TMC8: variants seen among roughly 807,000 people sequenced by gnomAD.
The protein encoded by TMC8 is transmembrane channel like 8.
TMC8 carries 71 observed loss-of-function variants against 76.0 expected under a neutral mutation model. That is an observed-to-expected ratio of 0.93 (90% CI 0.77 to 1.14). TMC8 has a LOEUF of 1.14. TMC8 is among the 50% of genes most tolerant of loss of function. The probability of loss-of-function intolerance (pLI) is 0.00; values close to 1 mark genes in which losing one functional copy is unlikely to be tolerated. For synonymous variants in TMC8, 433 were observed against 433.8 expected, an observed-to-expected ratio of 1.00 and a Z score of 0.02; for missense variants, 924 against 947.9, an observed-to-expected ratio of 0.97 and a Z score of 0.33.
In TMC8 at chr17:78,132,023, G is replaced by T; in HGVS notation, c.291G>T (p.Glu97Asp). ...GGCTCTGGGAGGGGGCGCTCTACGA[G>T]ATCGGGGGTAGGACCCGCGCGACCC... Reference protein sequence around the residue: ...GLGLWEGALYEIGGLFGTGIR... With the variant: ...GLGLWEGALYDIGGLFGTGIR... The change falls in exon 3 of 16, where the codon GAG becomes GAT. Residue 97 changes from glutamate (E) to aspartate (D), a missense_variant. By Grantham distance (45) the Glu-to-Asp change is conservative. Coordinates refer to ENST00000318430, the MANE Select transcript of TMC8 (RefSeq NM_152468.5). 3 of 1,533,928 alleles carry T rather than the reference G, an allele frequency of 2.0e-6. No homozygotes were observed. Among genetic ancestry groups the T allele is most frequent in the Non-Finnish European group, 2.6e-6 (3 of 1,145,994 alleles).
intron 9 of TMC8, 160 bp from the exon 10 acceptor site, chr17:78,137,075 C>T (rs1448501310): frequency 8.2e-6 from 9 of 1,095,832 alleles, no homozygotes; most frequent in Admixed American, 6.5e-5. Flanking sequence ...ACTCTGAGAA[C>T]GCACTTTGGA....
chr17:78,138,403 T>G lies in TMC8; in HGVS notation c.1588T>G (p.Ser530Ala). 1 of 1,612,610 alleles carries G rather than the reference T, an allele frequency of 6.2e-7. No individual in the cohort carries two copies. The highest frequency in any genetic ancestry group is 8.5e-7 in the Non-Finnish European group (1 of 1,179,992). Residue 530 changes from serine to alanine, a missense_variant, in exon 13 of 16, where the codon TCC becomes GCC. By Grantham distance (99) the Ser-to-Ala change is moderately conservative. Coordinates refer to ENST00000318430, the MANE Select transcript of TMC8 (RefSeq NM_152468.5). ...TTCGCGGCCCTTCCGTGCCTCCAGC[T>G]CCACCTTCTTCTTCCAGCTAGTGCT... is the stretch of plus-strand genomic sequence containing the variant. ...ASSRPFRASS[S>A]TFFFQLVLLL...
chr17:78,137,946 C>T, intron 11 of TMC8, 59 bp from the exon 12 acceptor site: 1 of 1,607,860 alleles, frequency 6.2e-7, no homozygotes, highest in Middle Eastern at 1.8e-4. Context: ...TGGCCATGAC[C>T]AATACAGCCC....
In TMC8 at chr17:78,132,458, T is replaced by A. The variant is rs756241753; in HGVS notation, c.398T>A (p.Leu133Gln). 2 of 1,612,406 alleles carry A rather than the reference T, an allele frequency of 1.2e-6. No individual in the cohort carries two copies. The highest frequency in any genetic ancestry group is 4.5e-5 in the East Asian group (2 of 44,860). Reference protein sequence around the residue: ...SLLLTASFVLLPLVWLRPPDP... With the variant: ...SLLLTASFVLQPLVWLRPPDP... ...CTGCTCACCGCAAGCTTCGTGCTGC[T>A]GCCCCTGGTCTGGCTCCGCCCCCCT... The change falls in exon 4 of 16, where the codon CTG (leucine) becomes CAG (glutamine). Residue 133 changes from leucine to glutamine, a missense_variant. Coordinates refer to ENST00000318430, the MANE Select transcript of TMC8 (RefSeq NM_152468.5).
At chr17:78,134,716 A>G (rs2075174562) in intron 8 of TMC8, 152 bp downstream of exon 8, 1 of 1,508,994 alleles carries the variant, frequency 6.6e-7, no homozygotes, top group African/African-American at 1.4e-5. Context: ...CCCACTGGAT[A>G]TTCCCGCCAA....
intron 3 of TMC8, 41 bp from the exon 4 acceptor site, chr17:78,132,318 C>G (rs531747560): frequency 7.5e-6 from 12 of 1,609,286 alleles, no homozygotes; most frequent in Middle Eastern, 1.7e-4. Flanking sequence ...GCCCCAGCCC[C>G]GGCCCCGGCC....
chr17:78,132,214 G>A, intron 3 of TMC8, 145 bp from the exon 4 acceptor site: 1 of 1,379,594 alleles, frequency 7.2e-7, no homozygotes, highest in Non-Finnish European at 1.0e-6. Context: ...AGCACCCCCA[G>A]GTGACTGTCA....
Position 78,141,170 on chromosome 17 carries a change from TC to T in TMC8, c.*59del, listed in dbSNP as rs2075366994. 1.4e-6 allele frequency: 2 copies of T among 1,426,968 alleles called. No individual in the cohort carries two copies. Among genetic ancestry groups the T allele is most frequent in the Non-Finnish European group, 1.9e-6 (2 of 1,080,656 alleles). The allele number at this position is 1,426,968 out of a possible 1,614,324, so 88.4% of individuals were successfully genotyped here. A position where few individuals can be genotyped will look rare whatever the true frequency, so the allele number is the denominator to read the frequency against. The stretch of plus-strand genomic sequence containing the variant: ...GGCCCCTTCAGGCCTCCTTACTCCA[TC>T]TTCCAGACCCCTGGCGACCACCGCC... On this transcript the variant is annotated 3_prime_UTR_variant, in exon 16 of 16. Coordinates refer to ENST00000318430, the MANE Select transcript of TMC8 (RefSeq NM_152468.5).
rs1477563668 is a variant in TMC8 at position 78,133,897 on chromosome 17, A to G, written c.713A>G (p.Tyr238Cys). ...CAGAAGACTCTGCTGGGTCAGGGCT[A>G]TCAGGCGCCTCTCAGCGCCAAGGTC... ...LPQKTLLGQG[Y>C]QAPLSAKVFS... is the part of the protein sequence containing the mutation. Residue 238 changes from tyrosine (Y) to cysteine (C), a missense_variant, in exon 7 of 16, where the codon TAT becomes TGT. Physicochemically the swap from Tyr to Cys is radical, Grantham distance 194 (BLOSUM62 -2). Transcript: ENST00000318430. The G allele has an allele frequency of 1.9e-6, 3 of 1,613,378 alleles. No homozygotes were observed. The highest frequency in any genetic ancestry group is 3.3e-5 in the Admixed American group (2 of 60,006).
Position 78,138,127 on chromosome 17 carries a change from A to G in TMC8, c.1472A>G (p.Tyr491Cys). The G allele has an allele frequency of 6.2e-7, 1 of 1,613,914 alleles. No homozygotes were observed. Among genetic ancestry groups the G allele is most frequent in the Non-Finnish European group, 8.5e-7 (1 of 1,179,980 alleles). The change falls in exon 12 of 16, where the codon TAC becomes TGC. Residue 491 changes from tyrosine (Y) to cysteine (C), a missense_variant. Tyr to Cys is a radical substitution (Grantham distance 194). Coordinates refer to ENST00000318430, the MANE Select transcript of TMC8 (RefSeq NM_152468.5). ...GQTVTWMGLF[Y>C]CPLLPLLNSV... ...ACGGTCACCTGGATGGGCCTCTTCT[A>G]CTGCCCCCTGCTGCCCCTGCTGAAT... is the stretch of plus-strand genomic sequence containing the variant.
chr17:78,133,323 G>C, intron 5 of TMC8, 83 bp from the exon 6 acceptor site: 1 of 1,605,976 alleles, frequency 6.2e-7, no homozygotes, highest in Non-Finnish European at 8.5e-7. Flanking sequence ...GGATTGCACG[G>C]GGGCTAACAA....
rs1040482488 is a variant in TMC8 at position 78,131,398 on chromosome 17, A to C, written c.-191A>C. On this transcript the variant is annotated 5_prime_UTR_variant, in exon 2 of 16. Transcript: ENST00000318430. ...TGAGCCCCGGAGGTGGCAGAGCGGC[A>C]GACCCGGGCAAGTGAACCCTAGGGC... 2.7e-6 allele frequency: 2 copies of C among 739,552 alleles called. No individual in the cohort carries two copies. The highest frequency in any genetic ancestry group is 3.5e-5 in the African/African-American group (2 of 56,500). The allele number at this position is 739,552 out of a possible 1,614,324, so 45.8% of individuals were successfully genotyped here.
At position 78,132,379 on chromosome 17, in the gene TMC8, C is replaced by G; in HGVS notation, c.319C>G (p.Arg107Gly). The change falls in exon 4 of 16, where the codon CGG (arginine) becomes GGG (glycine). Residue 107 changes from arginine to glycine, a missense_variant. Arg to Gly is a moderately radical substitution (Grantham distance 125). Coordinates refer to ENST00000318430, the MANE Select transcript of TMC8 (RefSeq NM_152468.5). ...TGCAGGCCTCTTCGGCACAGGAATT[C>G]GGTCCTACTTCACCTTCCTCCGCTT... ...EIGGLFGTGI[R>G]SYFTFLRFLL... 1.2e-6 allele frequency: 2 copies of G among 1,613,116 alleles called. No individual in the cohort carries two copies. Among genetic ancestry groups the G allele is most frequent in the Non-Finnish European group, 1.7e-6 (2 of 1,179,776 alleles).
intron 5 of TMC8, among the ~76,000 whole-genome samples, 157 bp downstream of exon 5, chr17:78,133,027 G>A (rs554721346): frequency 3.3e-5 from 5 of 152,290 alleles, no homozygotes; most frequent in African/African-American, 1.2e-4. Flanking sequence ...CCGGTGGTGG[G>A]GTTAGAGAGA....
chr17:78,138,551 C>A, intron 13 of TMC8, 23 bp from the exon 14 acceptor site: 1 of 1,613,732 alleles, frequency 6.2e-7, no homozygotes, highest in African/African-American at 1.3e-5. Context: ...TGATGCCAGC[C>A]CCACTTGGCC....
chr17:78,138,598 C>A lies in TMC8; in HGVS notation c.1689C>A (p.Gly563=), dbSNP rs1317904917. 6.2e-7 allele frequency: 1 copy of A among 1,613,934 alleles called. No individual in the cohort carries two copies. Among genetic ancestry groups the A allele is most frequent in the South Asian group, 1.1e-5 (1 of 91,090 alleles). The change falls in exon 14 of 16, where the codon GGC becomes GGA. Residue 563 remains glycine (G), a synonymous_variant. Transcript: ENST00000318430. The stretch of plus-strand genomic sequence containing the variant: ...GCATCCACTCCTCCTGGGACTGCGG[C>A]CTCTTCACCAACTACTCAGCACCCT... ...VSSIHSSWDC[G]LFTNYSAPWQ... is the part of the protein sequence containing the mutation.
intron 9 of TMC8, among the ~76,000 whole-genome samples, chr17:78,135,726 C>T (rs1289173612): frequency 1.3e-5 from 2 of 152,242 alleles, no homozygotes; most frequent in African/African-American, 2.4e-5. Flanking sequence ...TTTCCCTCTG[C>T]TTCCTCAAAG....
chr17:78,133,431 A>T lies in TMC8; in HGVS notation c.557A>T (p.Tyr186Phe), dbSNP rs778599392. 2 of 1,613,760 alleles carry T rather than the reference A, an allele frequency of 1.2e-6. No individual in the cohort carries two copies. The highest frequency in any genetic ancestry group is 3.3e-5 in the Admixed American group (2 of 60,020). ...GRAFTNTYLF[Y>F]GAYRVGPESS... ...GCCTTCACCAACACCTATCTCTTCT[A>T]CGGTGCGTACCGAGTGGGGCCGGAG... Residue 186 changes from tyrosine to phenylalanine, a missense_variant, in exon 6 of 16, where the codon TAC (tyrosine) becomes TTC (phenylalanine). Physicochemically the swap from Tyr to Phe is conservative, Grantham distance 22. Transcript: ENST00000318430.
intron 9 of TMC8, among the ~76,000 whole-genome samples, 194 bp downstream of exon 9, chr17:78,135,203 C>A (rs1012185162): frequency 6.6e-6 from 1 of 152,206 alleles, no homozygotes; most frequent in African/African-American, 2.4e-5. Context: ...TCCAATCCCC[C>A]ACCTCCAAAG....
Sources: allele counts gnomAD v4.1 joint callset (sites outside exome capture counted in the v4.1 genomes callset), GRCh38; gene constraint gnomAD v4.1.1; transcripts MANE v1.5; gene names NCBI Gene and HGNC (gene_info 2026-07-23, HGNC 2026-07-21).